The following SCHIP1 variants were observed in gnomAD, a reference collection of about 807,000 sequenced individuals.
SCHIP1 encodes the protein schwannomin-interacting protein 1.
SCHIP1 carries 8 observed loss-of-function variants against 29.7 expected under a neutral mutation model. That is an observed-to-expected ratio of 0.27 (90% CI 0.16 to 0.49). The LOEUF is 0.49. Among genes scored for constraint, SCHIP1 ranks in the 20% least tolerant of loss-of-function variants. SCHIP1 has a pLI of 0.99. For missense variants in SCHIP1, 193 were observed against 294.6 expected (o/e 0.66, Z 2.52); for synonymous variants, 76 against 94.9 (o/e 0.80, Z 1.16).
At chr3:159,409,117 C>T in the SCHIP1 span, among the ~76,000 whole-genome samples, 2 of 152,016 alleles carry the variant, frequency 1.3e-5, no homozygotes, top group Admixed American at 6.6e-5. Context: ...TCAAAAAACT[C>T]GGTATAGAGG....
At chr3:159,883,161 T>C (rs1004340469) in intron 2 of SCHIP1, among the ~76,000 whole-genome samples, 2 of 152,226 alleles carry the variant, frequency 1.3e-5, no homozygotes, top group African/African-American at 4.8e-5. Context: ...GCAGCCTTTG[T>C]ACAGTGCTCT....
At chr3:159,695,887 C>G in the SCHIP1 span, among the ~76,000 whole-genome samples, 68 of 152,248 alleles carry the variant, frequency 4.5e-4, no homozygotes, top group African/African-American at 1.6e-3. Flanking sequence ...TCCTCATCCA[C>G]TCCTTCACCA....
At chr3:159,720,402 T>C in the SCHIP1 span, among the ~76,000 whole-genome samples, 1 of 151,966 alleles carries the variant, frequency 6.6e-6, no homozygotes, top group African/African-American at 2.4e-5. Flanking sequence ...TAAAAATAAA[T>C]AAATAAGTAA....
chr3:159,810,114 C>T, the SCHIP1 span, among the ~76,000 whole-genome samples: 1 of 152,220 alleles, frequency 6.6e-6, no homozygotes, highest in Non-Finnish European at 1.5e-5. Flanking sequence ...GGCGTGATCT[C>T]AGCTCACTGC....
the SCHIP1 span, among the ~76,000 whole-genome samples, chr3:159,380,247 G>A: frequency 3.9e-5 from 6 of 152,168 alleles, no homozygotes; most frequent in African/African-American, 9.7e-5. Flanking sequence ...CCCATTCATC[G>A]ATGGGCATTG....
At chr3:159,537,859 T>A in the SCHIP1 span, among the ~76,000 whole-genome samples, 1 of 152,122 alleles carries the variant, frequency 6.6e-6, no homozygotes, top group African/African-American at 2.4e-5. Flanking sequence ...AATATACTTA[T>A]AAACAGTAGA....
the SCHIP1 span, among the ~76,000 whole-genome samples, chr3:159,642,974 G>A: frequency 6.6e-6 from 1 of 152,046 alleles, no homozygotes; most frequent in Non-Finnish European, 1.5e-5. Context: ...TTAGTGGGAG[G>A]AGGGAGGTAA....
chr3:159,765,753 C>G, the SCHIP1 span: 1 of 152,346 alleles, frequency 6.6e-6, no homozygotes, highest in Admixed American at 6.5e-5. Flanking sequence ...CCTGGGGGAA[C>G]GGGGTAAATG....
At chr3:159,497,635 C>A in the SCHIP1 span, among the ~76,000 whole-genome samples, 1 of 150,682 alleles carries the variant, frequency 6.6e-6, no homozygotes, top group Non-Finnish European at 1.5e-5. Flanking sequence ...AGAAGAACAA[C>A]AAGCAGAAGC....
the SCHIP1 span, among the ~76,000 whole-genome samples, chr3:159,684,068 T>C: frequency 6.6e-6 from 1 of 152,192 alleles, no homozygotes. Context: ...TGCTGGGCTT[T>C]GAGCACACCT....
At chr3:159,645,494 G>T in the SCHIP1 span, among the ~76,000 whole-genome samples, 1 of 152,172 alleles carries the variant, frequency 6.6e-6, no homozygotes, top group Non-Finnish European at 1.5e-5. Context: ...TTACATGCTA[G>T]AATGGATAGA....
the SCHIP1 span, among the ~76,000 whole-genome samples, chr3:159,584,536 C>T: frequency 2.0e-5 from 3 of 152,096 alleles, no homozygotes; most frequent in Admixed American, 2.0e-4. Context: ...TTTTTCTAGC[C>T]GGAGTTACAG....
the SCHIP1 span, among the ~76,000 whole-genome samples, chr3:159,704,888 CT>C: frequency 1.3e-5 from 1 of 76,992 alleles, no homozygotes; most frequent in African/African-American, 1.1e-4. Context: ...TTCTTTCTTT[CT>C]TTCTTTCTTT....
chr3:159,789,648 C>T, the SCHIP1 span, among the ~76,000 whole-genome samples: 1 of 152,128 alleles, frequency 6.6e-6, no homozygotes, highest in African/African-American at 2.4e-5. Context: ...AAACAAGTCC[C>T]GGGTAACGCT....
At chr3:159,856,309 G>C (rs1003301930) in intron 1 of SCHIP1, among the ~76,000 whole-genome samples, 3 of 152,202 alleles carry the variant, frequency 2.0e-5, no homozygotes, top group African/African-American at 7.2e-5. Flanking sequence ...GTCCCAATGG[G>C]GGAGGCACAT....
At chr3:159,493,084 A>G in the SCHIP1 span, among the ~76,000 whole-genome samples, 1 of 152,216 alleles carries the variant, frequency 6.6e-6, no homozygotes, top group Non-Finnish European at 1.5e-5. Flanking sequence ...CCTGCCCTAA[A>G]AGAGCTCCTG....
At chr3:159,612,750 C>A in the SCHIP1 span, among the ~76,000 whole-genome samples, 1 of 152,174 alleles carries the variant, frequency 6.6e-6, no homozygotes, top group Non-Finnish European at 1.5e-5. Flanking sequence ...TGTGTCTCGA[C>A]ACTAAAAATC....
intron 2 of SCHIP1, among the ~76,000 whole-genome samples, chr3:159,876,452 A>G (rs755153018): frequency 6.6e-6 from 1 of 152,174 alleles, no homozygotes; most frequent in Non-Finnish European, 1.5e-5. Context: ...TGCCTACTTC[A>G]TGGGGTTACT....
chr3:159,306,714 T>A, the SCHIP1 span: 1 of 220,088 alleles, frequency 4.5e-6, no homozygotes, highest in Non-Finnish European at 7.7e-6. Context: ...AATAAATATG[T>A]AATGTTCTAC....
Sources: allele counts gnomAD v4.1 joint callset (sites outside exome capture counted in the v4.1 genomes callset), GRCh38; gene constraint gnomAD v4.1.1; transcripts MANE v1.5; gene names NCBI Gene and HGNC (gene_info 2026-07-23, HGNC 2026-07-21).